The following PAK5 variants were observed in gnomAD, a reference collection of about 807,000 sequenced individuals.
PAK5 encodes the protein serine/threonine-protein kinase PAK 5.
Under a neutral mutation model 65.9 loss-of-function variants are expected in PAK5, and 16 were observed. The ratio of observed to expected loss-of-function variants is 0.24; its 90% confidence interval spans 0.16 to 0.37. The LOEUF is 0.37. Ranked by LOEUF, PAK5 falls within the 10% of genes least tolerant of loss-of-function variation. The pLI is 1.00. For synonymous variants in PAK5, 371 were observed against 354.9 expected (o/e 1.05, Z -0.51); for missense variants, 785 against 903.9 (o/e 0.87, Z 1.69).
intron 7 of PAK5, among the ~76,000 whole-genome samples, chr20:9,547,690 T>C (rs1314775844): frequency 1.3e-5 from 2 of 152,104 alleles, no homozygotes; most frequent in Non-Finnish European, 2.9e-5. Context: ...ACAGGGTTTT[T>C]AAAGCATCCC....
chr20:9,717,465 C>T (rs1028156384), intron 1 of PAK5, among the ~76,000 whole-genome samples: 35 of 152,248 alleles, frequency 2.3e-4, no homozygotes, highest in African/African-American at 7.9e-4. Flanking sequence ...TTTTAGTCAC[C>T]GAATTTAGCT....
intron 4 of PAK5, among the ~76,000 whole-genome samples, chr20:9,579,260 C>T (rs1334011769): frequency 2.0e-5 from 3 of 152,158 alleles, no homozygotes; most frequent in Non-Finnish European, 4.4e-5. Flanking sequence ...ATCCACATTC[C>T]ACACCCTACG....
intron 1 of PAK5, among the ~76,000 whole-genome samples, chr20:9,757,425 T>A (rs544686017): frequency 7.9e-5 from 12 of 152,266 alleles, no homozygotes; most frequent in African/African-American, 2.6e-4. Flanking sequence ...AAAGTTAGAT[T>A]TCATCAAATC....
chr20:9,800,802 C>A (rs1206063089), intron 1 of PAK5, among the ~76,000 whole-genome samples: 2 of 151,924 alleles, frequency 1.3e-5, no homozygotes, highest in African/African-American at 4.8e-5. Context: ...ACATGACTAA[C>A]TGGCCTCTCT....
chr20:9,569,761 A>T (rs1568969754), intron 4 of PAK5, among the ~76,000 whole-genome samples: 1 of 149,224 alleles, frequency 6.7e-6, no homozygotes. Context: ...CTACCATAGC[A>T]CCATTCTCAG....
chr20:9,548,228 A>T (rs1284536536), intron 7 of PAK5, among the ~76,000 whole-genome samples: 1 of 152,110 alleles, frequency 6.6e-6, no homozygotes, highest in Non-Finnish European at 1.5e-5. Flanking sequence ...AATCAGAAAG[A>T]GGTGGTTATC....
At chr20:9,832,541 G>A (rs979180288) in intron 1 of PAK5, among the ~76,000 whole-genome samples, 1 of 152,056 alleles carries the variant, frequency 6.6e-6, no homozygotes, top group Non-Finnish European at 1.5e-5. Context: ...CCAAAGTGCT[G>A]GTGTTATAGG....
At chr20:9,692,658 C>A (rs181739780) in intron 2 of PAK5, among the ~76,000 whole-genome samples, 1 of 151,976 alleles carries the variant, frequency 6.6e-6, no homozygotes. Flanking sequence ...TTCATGATGC[C>A]TTTTCAAATA....
At chr20:9,798,178 G>C (rs997388381) in intron 1 of PAK5, among the ~76,000 whole-genome samples, 2 of 152,060 alleles carry the variant, frequency 1.3e-5, no homozygotes, top group East Asian at 3.9e-4. Context: ...AGAAAATATA[G>C]GAAGACAATT....
intron 1 of PAK5, among the ~76,000 whole-genome samples, chr20:9,722,481 G>A (rs1465035795): frequency 1.3e-5 from 2 of 151,682 alleles, no homozygotes; most frequent in African/African-American, 4.8e-5. Context: ...GCATGGTGGC[G>A]GGCGCCTGTA....
At chr20:9,701,599 C>A (rs1228662380) in intron 2 of PAK5, among the ~76,000 whole-genome samples, 2 of 152,062 alleles carry the variant, frequency 1.3e-5, no homozygotes, top group African/African-American at 2.4e-5. Flanking sequence ...CATTTTCAGG[C>A]AAGTAGAGAG....
chr20:9,656,267 T>C (rs1340436259), intron 2 of PAK5, among the ~76,000 whole-genome samples: 1 of 152,128 alleles, frequency 6.6e-6, no homozygotes, highest in African/African-American at 2.4e-5. Context: ...ATTTGTTGAA[T>C]GAATAGTCAC....
Position 9,621,405 on chromosome 20 carries a change from TAA to T in PAK5, c.204+22718_204+22719del, listed in dbSNP as rs33927046. Among the ~76,000 whole-genome samples, 110 of 118,116 alleles carry T rather than the reference TAA, an allele frequency of 9.3e-4. 2 individuals are homozygous for T. The highest frequency in any genetic ancestry group is 1.2e-3 in the Non-Finnish European group (72 of 58,770). 77.5% of individuals were successfully genotyped at this position (118,116 alleles called of 152,430 possible). ...TCATTAAGTTCAGGGCAGGACTGATTAAAAAAAAAAAAAAAAAAGACACACCT... is the reference window on the plus strand; with the variant it reads ...TCATTAAGTTCAGGGCAGGACTGATTAAAAAAAAAAAAAAAAGACACACCT... On this transcript the variant is annotated intron_variant, in intron 3 of 9. Transcript: ENST00000353224.
Position 9,611,115 on chromosome 20 carries a change from A to G in PAK5, c.205-30185T>C, listed in dbSNP as rs570321867. ...ATTCCCTGTATTTTGTTACAGCAGC[A>G]GGAAAGGACCAAGATATTCATCTCC... On this transcript the variant is annotated intron_variant, in intron 3 of 9. Transcript: ENST00000353224. Among the ~76,000 whole-genome samples, 3 of 152,352 alleles carry G rather than the reference A, an allele frequency of 2.0e-5. No individual in the cohort carries two copies. In the East Asian group the frequency reaches 5.8e-4, roughly 29 times the overall value.
intron 1 of PAK5, among the ~76,000 whole-genome samples, chr20:9,749,968 C>T (rs2048555913): frequency 6.6e-6 from 1 of 152,194 alleles, no homozygotes; most frequent in Non-Finnish European, 1.5e-5. Context: ...TTAAAAGCTG[C>T]ATTTCATTAA....
At chr20:9,813,573 C>T (rs1252098559) in intron 1 of PAK5, among the ~76,000 whole-genome samples, 2 of 151,880 alleles carry the variant, frequency 1.3e-5, no homozygotes, top group Non-Finnish European at 2.9e-5. Flanking sequence ...TTTGTAATAG[C>T]CCTAAATGGA....
At chr20:9,801,855 G>A (rs2049172724) in intron 1 of PAK5, among the ~76,000 whole-genome samples, 1 of 152,070 alleles carries the variant, frequency 6.6e-6, no homozygotes, top group South Asian at 2.1e-4. Flanking sequence ...CTAGGAAAAG[G>A]GCATGGCGCT....
intron 1 of PAK5, among the ~76,000 whole-genome samples, chr20:9,754,181 A>T (rs2048607186): frequency 6.6e-6 from 1 of 152,168 alleles, no homozygotes; most frequent in Non-Finnish European, 1.5e-5. Context: ...GTAACTGCCC[A>T]GTGAGTTCAT....
intron 2 of PAK5, among the ~76,000 whole-genome samples, chr20:9,679,830 G>C (rs962480650): frequency 1.3e-5 from 2 of 152,206 alleles, no homozygotes; most frequent in African/African-American, 4.8e-5. Flanking sequence ...GCTGGCTCCA[G>C]GCAAAATTGT....
Sources: allele counts gnomAD v4.1 joint callset (sites outside exome capture counted in the v4.1 genomes callset), GRCh38; gene constraint gnomAD v4.1.1; transcripts MANE v1.5; gene names NCBI Gene and HGNC (gene_info 2026-07-23, HGNC 2026-07-21).